The following TCAIM variants were observed in gnomAD, a reference collection of about 807,000 sequenced individuals.
TCAIM encodes T cell activation inhibitor, mitochondrial.
A neutral mutation model predicts 58.6 loss-of-function variants in TCAIM; 36 were observed. That is an observed-to-expected ratio of 0.61 (90% CI 0.47 to 0.81). The LOEUF (loss-of-function observed/expected upper bound fraction) is 0.81, where lower values mean the gene tolerates loss of function less well. Among genes scored for constraint, TCAIM ranks in the 30% least tolerant of loss-of-function variants. The pLI is 0.00. For synonymous variants in TCAIM, 172 were observed against 193.6 expected, an observed-to-expected ratio of 0.89 and a Z score of 0.93; for missense variants, 466 against 579.6, an observed-to-expected ratio of 0.80 and a Z score of 2.01.
intron 10 of TCAIM, among the ~76,000 whole-genome samples, chr3:44,407,123 C>T (rs1269878089): frequency 3.9e-5 from 6 of 152,148 alleles, no homozygotes; most frequent in Non-Finnish European, 8.8e-5. Context: ...TCATTTTCTC[C>T]TTCCTTCAGT....
At chr3:44,377,941 A>C (rs983258797) in intron 5 of TCAIM, among the ~76,000 whole-genome samples, 2 of 152,246 alleles carry the variant, frequency 1.3e-5, no homozygotes, top group Admixed American at 6.5e-5. Context: ...AAAATTGACA[A>C]ATGTTACATA....
intron 5 of TCAIM, among the ~76,000 whole-genome samples, chr3:44,388,173 T>C: frequency 6.6e-6 from 1 of 152,018 alleles, no homozygotes; most frequent in Middle Eastern, 3.4e-3. Flanking sequence ...TATAAGAAAA[T>C]ACTAAAAATT....
At chr3:44,358,326 G>A (rs1368917483) in intron 3 of TCAIM, 10 of 803,012 alleles carry the variant, frequency 1.2e-5, no homozygotes, top group Admixed American at 2.3e-5. Flanking sequence ...AATACAAACT[G>A]ATATGAAAAA....
At chr3:44,390,857 C>T (rs995446976) in intron 5 of TCAIM, among the ~76,000 whole-genome samples, 8 of 152,124 alleles carry the variant, frequency 5.3e-5, no homozygotes, top group African/African-American at 1.9e-4. Context: ...GGAGTTTTCT[C>T]TTGCATAGTA....
At chr3:44,387,759 C>G (rs996933449) in intron 5 of TCAIM, among the ~76,000 whole-genome samples, 8 of 152,174 alleles carry the variant, frequency 5.3e-5, no homozygotes, top group Non-Finnish European at 1.0e-4. Flanking sequence ...GGGCCCGAGC[C>G]AAACTCAGGC....
At chr3:44,371,143 C>T (rs973455910) in intron 5 of TCAIM, among the ~76,000 whole-genome samples, 2 of 151,816 alleles carry the variant, frequency 1.3e-5, no homozygotes, top group Non-Finnish European at 2.9e-5. Context: ...AACTCTTGAC[C>T]TCAGGTGATC....
intron 5 of TCAIM, among the ~76,000 whole-genome samples, chr3:44,379,671 A>G (rs1159404155): frequency 6.6e-6 from 1 of 152,136 alleles, no homozygotes; most frequent in Non-Finnish European, 1.5e-5. Context: ...GAACAAAATA[A>G]TGAGAACCAA....
intron 5 of TCAIM, among the ~76,000 whole-genome samples, chr3:44,390,739 G>A (rs1020889001): frequency 6.6e-6 from 1 of 152,144 alleles, no homozygotes; most frequent in African/African-American, 2.4e-5. Context: ...GGCAGGTCGA[G>A]GCAGGAGGAT....
chr3:44,394,633 C>T (rs1246102028), intron 6 of TCAIM, among the ~76,000 whole-genome samples: 2 of 151,626 alleles, frequency 1.3e-5, no homozygotes, highest in African/African-American at 2.4e-5. Context: ...TGGTGGCTCA[C>T]ACCTGTAATC....
At chr3:44,346,691 G>T (rs1700976609) in intron 1 of TCAIM, among the ~76,000 whole-genome samples, 1 of 152,212 alleles carries the variant, frequency 6.6e-6, no homozygotes, top group Non-Finnish European at 1.5e-5. Flanking sequence ...AGCATAGTTT[G>T]TGATTTTGAG....
intron 1 of TCAIM, among the ~76,000 whole-genome samples, chr3:44,344,893 G>A (rs1235869493): frequency 6.6e-6 from 1 of 152,120 alleles, no homozygotes; most frequent in Non-Finnish European, 1.5e-5. Context: ...TCTGAGCCAG[G>A]AGAAGGAATT....
At chr3:44,381,738 G>GAAAAA (rs1470292842) in intron 5 of TCAIM, among the ~76,000 whole-genome samples, 1 of 152,146 alleles carries the variant, frequency 6.6e-6, no homozygotes, top group African/African-American at 2.4e-5. Context: ...AAACTCTGCA[G>GAAAAA]ATTCCACTGA....
chr3:44,393,366 C>A (rs963908097), intron 6 of TCAIM, among the ~76,000 whole-genome samples: 9 of 151,922 alleles, frequency 5.9e-5, no homozygotes, highest in African/African-American at 2.2e-4. Flanking sequence ...AAGGGTGAGG[C>A]AAGAGGATCA....
intron 1 of TCAIM, among the ~76,000 whole-genome samples, chr3:44,349,804 G>A (rs1029604088): frequency 2.0e-5 from 3 of 152,194 alleles, no homozygotes; most frequent in Admixed American, 6.5e-5. Flanking sequence ...TTGAAGGGTG[G>A]CACCAAAATT....
chr3:44,379,366 G>A (rs906028849), intron 5 of TCAIM, among the ~76,000 whole-genome samples: 3 of 152,032 alleles, frequency 2.0e-5, no homozygotes, highest in East Asian at 1.9e-4. Context: ...ATCTCACTAC[G>A]GGGTTTATAC....
chr3:44,402,058 T>C (rs971578202), intron 10 of TCAIM, among the ~76,000 whole-genome samples: 1 of 151,842 alleles, frequency 6.6e-6, no homozygotes, highest in African/African-American at 2.4e-5. Context: ...ACTATTGATA[T>C]AAATAAAACT....
intron 5 of TCAIM, among the ~76,000 whole-genome samples, chr3:44,368,772 C>T (rs1701419884): frequency 6.6e-6 from 1 of 152,184 alleles, no homozygotes; most frequent in Admixed American, 6.5e-5. Context: ...CCGATAATCC[C>T]AGCATTTGGG....
chr3:44,353,210 C>T lies in TCAIM; in HGVS notation c.-44-1529C>T, dbSNP rs539302287. ...TGCTGGGATTACAGGCATGAGCCACCGCGCCTGGCCAACTTCTTTAACTTA... is the reference window on the plus strand; with the variant it reads ...TGCTGGGATTACAGGCATGAGCCACTGCGCCTGGCCAACTTCTTTAACTTA... On this transcript the variant is annotated intron_variant, in intron 1 of 10. Transcript: ENST00000342649. Among the ~76,000 whole-genome samples the T allele has an allele frequency of 2.2e-4, 33 of 146,880 alleles. No homozygotes were observed. In the South Asian group the frequency reaches 3.6e-3, roughly 16 times the overall value.
chr3:44,407,351 A>G (rs1702115896), intron 10 of TCAIM, 91 bp from the exon 11 acceptor site: 2 of 1,106,468 alleles, frequency 1.8e-6, no homozygotes, highest in Non-Finnish European at 2.5e-6. Context: ...TAGGGCCCCA[A>G]CATGTAAGAA....
Sources: gnomAD v4.1 joint callset for allele counts (sites outside exome capture counted in the v4.1 genomes callset) on GRCh38, gnomAD v4.1.1 for gene constraint, MANE v1.5 for transcripts, NCBI Gene and HGNC (gene_info 2026-07-23, HGNC 2026-07-21) for gene names.